Variants in SSC5D observed in about 807,000 individuals in gnomAD.
SSC5D encodes scavenger receptor cysteine rich family member with 5 domains.
In SSC5D, 106 loss-of-function variants were observed where a neutral mutation model predicts 104.6. The ratio of observed to expected loss-of-function variants is 1.01; its 90% CI spans 0.87 to 1.19. SSC5D has a LOEUF of 1.19. SSC5D is among the 50% of genes most tolerant of loss of function. SSC5D has a pLI of 0.00. For missense variants in SSC5D, 1,993 were observed against 2,153.8 expected (o/e 0.93, Z 1.48); for synonymous variants, 860 against 883.5 (o/e 0.97, Z 0.47).
chr19:55,515,696 C>A (rs1168200450), intron 13 of SSC5D, among the ~76,000 whole-genome samples: 1 of 148,994 alleles, frequency 6.7e-6, no homozygotes, highest in Non-Finnish European at 1.5e-5. Context: ...CGTGCCACTG[C>A]ACTCTAACCT....
intron 6 of SSC5D, among the ~76,000 whole-genome samples, 163 bp from the exon 7 acceptor site, chr19:55,493,432 G>C (rs1987208921): frequency 6.6e-6 from 1 of 152,220 alleles, no homozygotes; most frequent in African/African-American, 2.4e-5. Context: ...TTGGACTCCG[G>C]GCCAGTGACT....
In SSC5D at chr19:55,501,029, CA is replaced by C. The variant is rs1568480136; in HGVS notation, c.2618-2del. ...GGGTCAACCATTACCCCAATTTCTC[CA>C]AAGGCTACACAGACTATGACGATTA... On this transcript the variant is annotated splice_region_variant and splice_polypyrimidine_tract_variant and intron_variant, in intron 11 of 13. Transcript: ENST00000389623. 6.4e-7 allele frequency: 1 copy of C among 1,551,860 alleles called. No individual in the cohort carries two copies. The highest frequency in any genetic ancestry group is 8.7e-7 in the Non-Finnish European group (1 of 1,146,984).
Position 55,500,820 on chromosome 19 carries a change from G to A in SSC5D, c.2617+16G>A, listed in dbSNP as rs764616773. On this transcript the variant is annotated intron_variant, in intron 11 of 13. Coordinates refer to ENST00000389623, the MANE Select transcript of SSC5D (RefSeq NM_001144950.2). The surrounding 1 kb of genome is among the most constrained non-coding windows in gnomAD (Gnocchi z 4.6). ...ACCTGCACTGGTACCAGGGCATGGCGGCGGTGGTGGGGTTGTCGGGGGTGG... is the reference window on the plus strand; with the variant it reads ...ACCTGCACTGGTACCAGGGCATGGCAGCGGTGGTGGGGTTGTCGGGGGTGG... 1.4e-5 allele frequency: 22 copies of A among 1,541,062 alleles called. No homozygotes were observed. Among genetic ancestry groups the A allele is most frequent in the Admixed American group, 4.0e-5 (2 of 50,614 alleles).
intron 12 of SSC5D, among the ~76,000 whole-genome samples, chr19:55,501,539 C>T (rs1276368393): frequency 6.6e-6 from 1 of 152,226 alleles, no homozygotes; most frequent in Non-Finnish European, 1.5e-5. Flanking sequence ...CCCACCCCAG[C>T]TCCCCCAGAG....
At chr19:55,490,187 G>A in intron 4 of SSC5D, 111 bp from the exon 5 acceptor site, 1 of 620,062 alleles carries the variant, frequency 1.6e-6, no homozygotes, top group Admixed American at 2.8e-5. Context: ...CTCCTTCATA[G>A]CCTAGGGAGT....
chr19:55,490,648 G>A (rs1987113576), intron 5 of SSC5D, 124 bp from the exon 6 acceptor site: 9 of 1,173,932 alleles, frequency 7.7e-6, no homozygotes, highest in Admixed American at 2.9e-5. Context: ...CTCTTCACGG[G>A]CTGCCGGCGG....
rs528340290 is a variant in SSC5D, at chr19:55,500,486, G to A, written c.2303-4G>A. The A allele has an allele frequency of 2.6e-5, 40 of 1,551,084 alleles. 1 individual carries two copies. In the East Asian group the frequency reaches 3.2e-4, roughly 12 times the overall value. ...CCCTCCTGACCTAAGGGCCTTCCAC[G>A]CAGGCCTGTTCCGGGTTCGTCTGGC... On this transcript the variant is annotated splice_polypyrimidine_tract_variant and splice_region_variant and intron_variant, in intron 10 of 13. Coordinates refer to ENST00000389623, the MANE Select transcript of SSC5D (RefSeq NM_001144950.2). This position sits in a 1 kb window ranked among gnomAD's most constrained non-coding sequence, Gnocchi z 4.6.
chr19:55,511,229 C>T (rs1429631821), intron 12 of SSC5D, among the ~76,000 whole-genome samples: 1 of 152,124 alleles, frequency 6.6e-6, no homozygotes, highest in Non-Finnish European at 1.5e-5. Flanking sequence ...GTCTGCTGTG[C>T]CTGGCATCAG....
intron 12 of SSC5D, among the ~76,000 whole-genome samples, chr19:55,507,498 C>T (rs985120691): frequency 6.6e-6 from 1 of 150,902 alleles, no homozygotes; most frequent in Admixed American, 6.6e-5. Context: ...AATCCCGTCT[C>T]TACTAAAAAT....
intron 12 of SSC5D, among the ~76,000 whole-genome samples, chr19:55,505,746 T>C (rs1164338669): frequency 6.6e-6 from 1 of 151,786 alleles, no homozygotes; most frequent in East Asian, 1.9e-4. Context: ...ATTTTATTTA[T>C]TTATTTATGA....
In SSC5D at chr19:55,494,623, C is replaced by A. The variant is rs771452603; in HGVS notation, c.1227C>A (p.Gly409=). The A allele has an allele frequency of 6.5e-7, 1 of 1,540,282 alleles. No homozygotes were observed. The highest frequency in any genetic ancestry group is 1.2e-5 in the South Asian group (1 of 82,840). Residue 409 remains glycine (G), a synonymous_variant, in exon 8 of 14, where the codon GGC becomes GGA. Transcript: ENST00000389623. ...CCTGCTCCACAGGCATGCCCCTGGG[C>A]TACGTCCCTCCCACGGCCCCCACGG... The part of the protein sequence containing the change: ...AGAVCDGMPL[G]YVPPTAPTDS...
rs1987227698 is a variant in SSC5D at position 55,493,880 on chromosome 19, A to G, written c.1181A>G (p.His394Arg). The G allele has an allele frequency of 6.5e-7, 1 of 1,542,398 alleles. No individual in the cohort carries two copies. The highest frequency in any genetic ancestry group is 8.7e-7 in the Non-Finnish European group (1 of 1,143,848). ...CGGCCCTGGGGCCAGCATGACTGTC[A>G]CCACCGCGAGGACGCCGGGGCCGTG... ...PARPWGQHDCHHREDAGAVCD... is the reference protein window; with the variant it reads ...PARPWGQHDCRHREDAGAVCD... Residue 394 changes from histidine to arginine, a missense_variant, in exon 7 of 14, where the codon CAC becomes CGC. Transcript: ENST00000389623.
chr19:55,506,332 A>G lies in SSC5D; in HGVS notation c.2785+5131A>G, dbSNP rs1987634198. Among the ~76,000 whole-genome samples, 3 of 147,366 alleles carry G rather than the reference A, an allele frequency of 2.0e-5. No individual in the cohort carries two copies. The South Asian group carries it at 6.6e-4, about 32-fold the overall frequency. On this transcript the variant is annotated intron_variant, in intron 12 of 13. Coordinates refer to ENST00000389623, the MANE Select transcript of SSC5D (RefSeq NM_001144950.2). ...AAATGAGAGATGACATTGTAAGTCT[A>G]AGAGACACTGGAGATGAGATTGGAG...
At chr19:55,502,296 C>T (rs554514795) in intron 12 of SSC5D, among the ~76,000 whole-genome samples, 43 of 152,278 alleles carry the variant, frequency 2.8e-4, no homozygotes, top group African/African-American at 9.9e-4. Context: ...TTCTCACACT[C>T]GTCTTTATGC....
chr19:55,516,167 CAA>C (rs35777415), intron 13 of SSC5D, among the ~76,000 whole-genome samples: 54 of 143,484 alleles, frequency 3.8e-4, no homozygotes, highest in South Asian at 8.7e-4. Flanking sequence ...AAATTAATGC[CAA>C]AAAAAAAAAA....
At chr19:55,495,242 T>A (rs1481386584) in intron 8 of SSC5D, among the ~76,000 whole-genome samples, 1,965 of 87,650 alleles carry the variant, frequency 0.022, 173 homozygotes, top group African/African-American at 0.056. Flanking sequence ...TATTTTTTTT[T>A]TTTTTTTTTT....
At chr19:55,498,365 G>A (rs1409854232) in intron 9 of SSC5D, among the ~76,000 whole-genome samples, 168 bp downstream of exon 9, 1 of 152,192 alleles carries the variant, frequency 6.6e-6, no homozygotes, top group Non-Finnish European at 1.5e-5. Context: ...AGGGTGGTGT[G>A]TGTTATGCCC....
intron 12 of SSC5D, among the ~76,000 whole-genome samples, chr19:55,501,689 G>T (rs1227402552): frequency 6.6e-6 from 1 of 152,136 alleles, no homozygotes; most frequent in Admixed American, 6.5e-5. Flanking sequence ...AGCCTCCAGG[G>T]CCACAGCTCC....
chr19:55,508,429 C>T (rs1397928791), intron 12 of SSC5D, among the ~76,000 whole-genome samples: 2 of 152,130 alleles, frequency 1.3e-5, no homozygotes, highest in African/African-American at 2.4e-5. Flanking sequence ...CAAAGTGCAT[C>T]CTGTGGTTAC....
Sources: allele counts gnomAD v4.1 joint callset (sites outside exome capture counted in the v4.1 genomes callset), GRCh38; gene constraint gnomAD v4.1.1; non-coding constraint Gnocchi (gnomAD v3.1); transcripts MANE v1.5; gene names NCBI Gene and HGNC (gene_info 2026-07-23, HGNC 2026-07-21).